SV2B: variants seen among roughly 807,000 people sequenced by gnomAD.
The protein encoded by SV2B is solute carrier family 22 member B2.
In SV2B, 41 loss-of-function variants were observed where a neutral mutation model predicts 73.9. That is an observed-to-expected ratio of 0.56 (90% confidence interval 0.43 to 0.72). The LOEUF is 0.72. Ranked by LOEUF, SV2B falls within the 30% of genes least tolerant of loss-of-function variation. SV2B has a pLI of 0.00. For missense variants in SV2B, 764 were observed against 857.8 expected, an observed-to-expected ratio of 0.89 and a Z score of 1.37; for synonymous variants, 314 against 314.2, an observed-to-expected ratio of 1.00 and a Z score of 0.01.
intron 1 of SV2B, among the ~76,000 whole-genome samples, chr15:91,143,084 G>A (rs1433469014): frequency 6.6e-6 from 1 of 152,220 alleles, no homozygotes; most frequent in Admixed American, 6.5e-5. Flanking sequence ...TTTCCCAAGT[G>A]TTGGTGCTGT....
chr15:91,168,435 C>T (rs1400109676), intron 1 of SV2B, among the ~76,000 whole-genome samples: 2 of 152,102 alleles, frequency 1.3e-5, no homozygotes, highest in Non-Finnish European at 2.9e-5. Flanking sequence ...GGTATTCCTG[C>T]AGCTGCTGGG....
In SV2B at chr15:91,298,311, G is replaced by T. The variant is rs2049322400; in HGVS notation, c.*5759G>T. On this transcript the variant is annotated 3_prime_UTR_variant, in exon 13 of 13. Coordinates refer to ENST00000394232, the MANE Select transcript of SV2B (RefSeq NM_001323032.3). This position sits in a 1 kb window ranked among gnomAD's most constrained non-coding sequence, Gnocchi z 5.4. ...TGTCCAAAACATTGTGCTTTTGCAT[G>T]TAGCTGTGTCGCATTTAGGCCCAGC... 6.6e-6 allele frequency: 1 copy of T among 152,206 alleles called. No individual in the cohort carries two copies. The highest frequency in any genetic ancestry group is 2.4e-5 in the African/African-American group (1 of 41,448). 9.4% of individuals were successfully genotyped at this position (152,206 alleles called of 1,614,324 possible).
rs181762154 is a variant in SV2B, at chr15:91,236,656, T to C, written c.451+9942T>C. The stretch of plus-strand genomic sequence containing the variant: ...TATTCTGGTTATCTATTATTACATA[T>C]CAAACAAGCAAGCAAACATATACTC... On this transcript the variant is annotated intron_variant, in intron 2 of 12. Transcript: ENST00000394232. The surrounding 1 kb of genome is among the most constrained non-coding windows in gnomAD (Gnocchi z 4.1). Among the ~76,000 whole-genome samples, 1 of 152,162 alleles carries C rather than the reference T, an allele frequency of 6.6e-6. No homozygotes were observed. Among genetic ancestry groups the C allele is most frequent in the African/African-American group, 2.4e-5 (1 of 41,434 alleles).
chr15:91,157,957 G>A (rs1172749329), intron 1 of SV2B, among the ~76,000 whole-genome samples: 1 of 152,216 alleles, frequency 6.6e-6, no homozygotes, highest in Admixed American at 6.5e-5. Context: ...TTCCAGGAAT[G>A]CAGGTGGGGA....
At chr15:91,178,137 C>T (rs1188893605) in intron 1 of SV2B, among the ~76,000 whole-genome samples, 292 of 139,444 alleles carry the variant, frequency 2.1e-3, no homozygotes, top group South Asian at 3.1e-3. Flanking sequence ...TTTTCTGCAT[C>T]TATTGAGATA....
rs1438189491 is a variant in SV2B, at chr15:91,239,737, A to G, written c.452-12082A>G. On this transcript the variant is annotated intron_variant, in intron 2 of 12. Coordinates refer to ENST00000394232, the MANE Select transcript of SV2B (RefSeq NM_001323032.3). The surrounding 1 kb of genome is among the most constrained non-coding windows in gnomAD (Gnocchi z 5.1). ...TGGCTTCTGGTAACAATAGCTTTGAATCATAAAGATACTCATTATTTATTG... is the reference window on the plus strand; with the variant it reads ...TGGCTTCTGGTAACAATAGCTTTGAGTCATAAAGATACTCATTATTTATTG... Among the ~76,000 whole-genome samples, 2 of 152,214 alleles carry G rather than the reference A, an allele frequency of 1.3e-5. No homozygotes were observed. The highest frequency in any genetic ancestry group is 4.1e-4 in the South Asian group (2 of 4,832).
chr15:91,255,147 AACAC>A (rs754321096), intron 4 of SV2B, among the ~76,000 whole-genome samples: 4 of 152,166 alleles, frequency 2.6e-5, no homozygotes, highest in African/African-American at 7.2e-5. Flanking sequence ...TCACTTCACA[AACAC>A]ACACACTTAC....
chr15:91,152,496 A>G (rs59134725), intron 1 of SV2B, among the ~76,000 whole-genome samples: 1 of 152,098 alleles, frequency 6.6e-6, no homozygotes, highest in South Asian at 2.1e-4. Flanking sequence ...AATTTTTAAG[A>G]AGTGAATTTA....
Position 91,298,283 on chromosome 15 carries a change from C to T in SV2B, c.*5731C>T, listed in dbSNP as rs1390105737. 3 of 152,220 alleles carry T rather than the reference C, an allele frequency of 2.0e-5. No individual in the cohort carries two copies. Among genetic ancestry groups the T allele is most frequent in the Non-Finnish European group, 4.4e-5 (3 of 68,058 alleles). The allele number at this position is 152,220 out of a possible 1,614,324, so 9.4% of individuals were successfully genotyped here. Reference sequence around the variant, plus strand: ...CTCTCTCTCTCTAAGTGGACTCTGACCCTGTCCAAAACATTGTGCTTTTGC... The same window carrying T: ...CTCTCTCTCTCTAAGTGGACTCTGATCCTGTCCAAAACATTGTGCTTTTGC... On this transcript the variant is annotated 3_prime_UTR_variant, in exon 13 of 13. Coordinates refer to ENST00000394232, the MANE Select transcript of SV2B (RefSeq NM_001323032.3). The surrounding 1 kb of genome is among the most constrained non-coding windows in gnomAD (Gnocchi z 5.4).
At position 91,195,396 on chromosome 15, in the gene SV2B, G is replaced by A. The variant is rs117477771; in HGVS notation, c.-391-30477G>A. 2.9e-4 allele frequency among the ~76,000 whole-genome samples: 44 copies of A among 152,296 alleles called. No homozygotes were observed. The East Asian group carries it at 8.1e-3, about 28-fold the overall frequency. ...ACTGGTCTTGAACTTCTGGCCTCAAGTGATCACCCCACCTCAGCCTCCCAA... is the reference window on the plus strand; with the variant it reads ...ACTGGTCTTGAACTTCTGGCCTCAAATGATCACCCCACCTCAGCCTCCCAA... On this transcript the variant is annotated intron_variant, in intron 1 of 12. Transcript: ENST00000394232.
rs2042369470 is a variant in SV2B at position 91,122,554 on chromosome 15, C to T, written c.-392+22191C>T. ...AGAGCAGACTCCCCCATCCTGGTTT[C>T]CTCTCCATCCTTTTTGCTGCTTCTA... On this transcript the variant is annotated intron_variant, in intron 1 of 12. Coordinates refer to ENST00000394232, the MANE Select transcript of SV2B (RefSeq NM_001323032.3). This position sits in a 1 kb window ranked among gnomAD's most constrained non-coding sequence, Gnocchi z 4.3. Among the ~76,000 whole-genome samples the T allele has an allele frequency of 6.6e-6, 1 of 152,222 alleles. No homozygotes were observed. The highest frequency in any genetic ancestry group is 6.5e-5 in the Admixed American group (1 of 15,284).
At position 91,240,427 on chromosome 15, in the gene SV2B, C is replaced by T. The variant is rs1596659701; in HGVS notation, c.452-11392C>T. Among the ~76,000 whole-genome samples the T allele has an allele frequency of 6.6e-6, 1 of 151,994 alleles. No individual in the cohort carries two copies. Among genetic ancestry groups the T allele is most frequent in the East Asian group, 1.9e-4 (1 of 5,192 alleles). On this transcript the variant is annotated intron_variant, in intron 2 of 12. Coordinates refer to ENST00000394232, the MANE Select transcript of SV2B (RefSeq NM_001323032.3). This position sits in a 1 kb window ranked among gnomAD's most constrained non-coding sequence, Gnocchi z 4.6. ...AACTTTTCACTTTATTCAGTAGCTC[C>T]TTAAAAGAGTCAACTTACTCACGGG...
At chr15:91,292,289 A>T in intron 12 of SV2B, 80 bp from the exon 13 acceptor site, 1 of 1,412,098 alleles carries the variant, frequency 7.1e-7, no homozygotes, top group South Asian at 1.4e-5. Flanking sequence ...TTCCCCCTGC[A>T]ATAAGGAAAA....
intron 1 of SV2B, among the ~76,000 whole-genome samples, chr15:91,191,665 T>C (rs1322564080): frequency 6.6e-5 from 10 of 152,222 alleles, no homozygotes; most frequent in African/African-American, 2.4e-4. Flanking sequence ...TATCTTGCCA[T>C]TTGAAACAAA....
chr15:91,175,702 C>CATAT (rs10616854), intron 1 of SV2B, among the ~76,000 whole-genome samples: 25 of 148,792 alleles, frequency 1.7e-4, no homozygotes, highest in Admixed American at 6.1e-4. Flanking sequence ...CATGTAAATA[C>CATAT]ATATATATAT....
Position 91,290,383 on chromosome 15 carries a change from A to G in SV2B, c.1868+703A>G, listed in dbSNP as rs537849258. On this transcript the variant is annotated intron_variant, in intron 12 of 12. Coordinates refer to ENST00000394232, the MANE Select transcript of SV2B (RefSeq NM_001323032.3). The surrounding 1 kb of genome is among the most constrained non-coding windows in gnomAD (Gnocchi z 4.7). ...ATATAGATAACTAAGGAAGAGCACA[A>G]CGTGTCATATTTGGAGCCCCTCTCA... Among the ~76,000 whole-genome samples, 230 of 152,310 alleles carry G rather than the reference A, an allele frequency of 1.5e-3. 1 individual carries two copies. Among genetic ancestry groups the G allele is most frequent in the African/African-American group, 5.2e-3 (216 of 41,550 alleles).
intron 1 of SV2B, among the ~76,000 whole-genome samples, chr15:91,166,847 T>C (rs2043931435): frequency 1.3e-5 from 2 of 151,358 alleles, no homozygotes; most frequent in South Asian, 4.2e-4. Flanking sequence ...GGAGTCTTGC[T>C]CTGTTGCCCA....
chr15:91,202,590 T>A (rs2141389982), intron 1 of SV2B, among the ~76,000 whole-genome samples: 1 of 152,300 alleles, frequency 6.6e-6, no homozygotes, highest in Middle Eastern at 3.4e-3. Flanking sequence ...CTGAGAACAG[T>A]GGCTGGCACA....
chr15:91,102,401 C>A (rs1003752954), intron 1 of SV2B: 1 of 152,144 alleles, frequency 6.6e-6, no homozygotes, highest in Non-Finnish European at 1.5e-5. Flanking sequence ...TAATAGGATT[C>A]TTATAATAAT....
Sources: allele counts gnomAD v4.1 joint callset (sites outside exome capture counted in the v4.1 genomes callset), GRCh38; gene constraint gnomAD v4.1.1; non-coding constraint Gnocchi (gnomAD v3.1); transcripts MANE v1.5; gene names NCBI Gene and HGNC (gene_info 2026-07-23, HGNC 2026-07-21).